The following THBS4 variants were observed in gnomAD, a reference collection of about 807,000 sequenced individuals.
THBS4 encodes the protein thrombospondin-4.
Under a neutral mutation model 115.7 loss-of-function variants are expected in THBS4, and 90 were observed. The observed-to-expected ratio is 0.78, with a 90% CI of 0.66 to 0.93. The LOEUF (loss-of-function observed/expected upper bound fraction) is 0.93. Ranked by LOEUF, THBS4 falls within the 40% of genes least tolerant of loss-of-function variation. The probability of loss-of-function intolerance (pLI) is 0.00; values close to 1 mark genes in which losing one functional copy is unlikely to be tolerated. For missense variants in THBS4, 1,087 were observed against 1,232.7 expected (o/e 0.88, Z 1.77); for synonymous variants, 460 against 479.3 (o/e 0.96, Z 0.53).
chr5:80,045,772 C>G (rs1046161521), intron 2 of THBS4, among the ~76,000 whole-genome samples: 1 of 152,156 alleles, frequency 6.6e-6, no homozygotes, highest in Admixed American at 6.5e-5. Flanking sequence ...CTCAGATGAT[C>G]TGCCTGCTTC....
chr5:80,044,276 T>C (rs1043577489), intron 2 of THBS4, among the ~76,000 whole-genome samples: 1 of 152,160 alleles, frequency 6.6e-6, no homozygotes, highest in Non-Finnish European at 1.5e-5. Context: ...CCTAGCAAGG[T>C]GCCTTGTACA....
At chr5:80,065,132 C>T (rs940842131) in intron 8 of THBS4, among the ~76,000 whole-genome samples, 4 of 152,014 alleles carry the variant, frequency 2.6e-5, no homozygotes, top group Non-Finnish European at 5.9e-5. Flanking sequence ...AAAAATAAAA[C>T]TTTCCTAACC....
intron 2 of THBS4, among the ~76,000 whole-genome samples, chr5:80,053,439 C>G (rs372328271): frequency 1.3e-5 from 2 of 149,978 alleles, no homozygotes; most frequent in East Asian, 3.9e-4. Context: ...CAGGACAGTG[C>G]TGAAGTGCTT....
intron 2 of THBS4, among the ~76,000 whole-genome samples, chr5:80,051,645 G>A (rs1833262047): frequency 6.6e-6 from 1 of 152,124 alleles, no homozygotes; most frequent in African/African-American, 2.4e-5. Context: ...ACAATAGGAG[G>A]TTTTGCTACC....
rs1326466467 is a variant in THBS4, at chr5:80,056,042, C to T, written c.540+10C>T. On this transcript the variant is annotated intron_variant, in intron 3 of 21. Coordinates refer to ENST00000350881, the MANE Select transcript of THBS4 (RefSeq NM_003248.6). The stretch of plus-strand genomic sequence containing the variant: ...CCAGAGGAAGCCACAGGTAGGAACC[C>T]ACAAACCATTCTCTGAAGTGGAAAA... The T allele has an allele frequency of 6.3e-7, 1 of 1,586,886 alleles. No individual in the cohort carries two copies. Among genetic ancestry groups the T allele is most frequent in the Admixed American group, 1.8e-5 (1 of 56,484 alleles).
At chr5:80,032,233 G>A (rs1192852594), upstream of THBS4, among the ~76,000 whole-genome samples, 1 of 152,238 alleles carries the variant, frequency 6.6e-6, no homozygotes, top group Non-Finnish European at 1.5e-5. Flanking sequence ...AGGACATAAA[G>A]TTTACTGAGA....
intron 2 of THBS4, among the ~76,000 whole-genome samples, chr5:80,027,098 C>T (rs1271635843): frequency 1.3e-5 from 2 of 152,122 alleles, no homozygotes; most frequent in Non-Finnish European, 2.9e-5. Context: ...TAATCCATTC[C>T]CTTCTCCTTC....
At chr5:80,052,685 C>G (rs374319803) in intron 2 of THBS4, 22 of 152,108 alleles carry the variant, frequency 1.4e-4, no homozygotes, top group African/African-American at 4.6e-4. Context: ...CCAACTGGCT[C>G]TCTTCAGACT....
chr5:80,061,323 C>CTGA lies in THBS4; in HGVS notation c.988-369_988-367dup, dbSNP rs536148647. Among the ~76,000 whole-genome samples the CTGA allele has an allele frequency of 8.1e-3, 1,229 of 152,268 alleles. 8 individuals are homozygous for CTGA. The highest frequency in any genetic ancestry group is 0.02 in the Middle Eastern group (6 of 294). On this transcript the variant is annotated intron_variant, in intron 7 of 21. Transcript: ENST00000350881. ...TCTTTCTGATTGAGTAGTTGGTTTG[C>CTGA]TGATGCTTTTGGAGGCATCTAACAG...
In THBS4 at chr5:79,993,314, CTG is replaced by C. The variant is rs149070002; in HGVS notation, n.81+1904_81+1905del. Among the ~76,000 whole-genome samples the C allele has an allele frequency of 6.4e-3, 972 of 152,308 alleles. 13 individuals are homozygous for C. Among genetic ancestry groups the C allele is most frequent in the African/African-American group, 0.022 (929 of 41,568 alleles). ...TATTGCTGCAGTTCCTCTTGAGAGT[CTG>C]TATCTGTTAGATTGAATTTAAAAAA... On this transcript the variant is annotated intron_variant and non_coding_transcript_variant, in intron 1 of 3. Transcript: ENST00000510218.
intron 13 of THBS4, chr5:80,072,000 G>C (rs1293975560): frequency 2.6e-6 from 1 of 379,052 alleles, no homozygotes; most frequent in East Asian, 5.1e-5. Flanking sequence ...TCCAGGGTCA[G>C]CCATACAGCC....
At chr5:80,082,969 T>A (rs1194572296) in intron 21 of THBS4, 111 bp from the exon 22 acceptor site, 7 of 635,802 alleles carry the variant, frequency 1.1e-5, no homozygotes, top group African/African-American at 3.6e-5. Context: ...CTGCGGGGCG[T>A]CCTGGGCGGG....
At chr5:80,080,462 C>A (rs1743430532) in intron 20 of THBS4, among the ~76,000 whole-genome samples, 1 of 151,888 alleles carries the variant, frequency 6.6e-6, no homozygotes, top group Non-Finnish European at 1.5e-5. Context: ...CCCTGTGGCA[C>A]CTCTGGGCCC....
chr5:80,048,557 A>G (rs1363415732), intron 2 of THBS4, among the ~76,000 whole-genome samples: 1 of 151,810 alleles, frequency 6.6e-6, no homozygotes, highest in Admixed American at 6.6e-5. Context: ...ACTATGATGA[A>G]TCTCATACTT....
intron 8 of THBS4, among the ~76,000 whole-genome samples, chr5:80,064,588 G>T (rs111495381): frequency 6.6e-6 from 1 of 152,110 alleles, no homozygotes; most frequent in Non-Finnish European, 1.5e-5. Context: ...AAAATTAGCC[G>T]GGTGTGATGG....
At chr5:80,021,176 T>A (rs1293708370) in intron 2 of THBS4, among the ~76,000 whole-genome samples, 1 of 152,152 alleles carries the variant, frequency 6.6e-6, no homozygotes, top group Non-Finnish European at 1.5e-5. Context: ...TGAGGATTCC[T>A]GGGGGTACCT....
At chr5:79,992,883 C>A (rs1313656570) in intron 1 of THBS4, among the ~76,000 whole-genome samples, 1 of 152,192 alleles carries the variant, frequency 6.6e-6, no homozygotes, top group East Asian at 1.9e-4. Context: ...AGTAATTCAA[C>A]TTTCAGATTG....
At position 80,040,045 on chromosome 5, in the gene THBS4, C is replaced by G. The variant is rs762753944; in HGVS notation, c.89-32C>G. ...CTGTTTTCCCCAAAATTGAATCTTT[C>G]ACTTATACCCCTTCTTCTCCCTTCT... On this transcript the variant is annotated intron_variant, in intron 1 of 21. Transcript: ENST00000350881. The G allele has an allele frequency of 3.8e-6, 6 of 1,596,610 alleles. No homozygotes were observed. The Admixed American group carries it at 6.7e-5, about 18-fold the overall frequency.
chr5:80,005,613 C>T (rs1831998798), intron 2 of THBS4, among the ~76,000 whole-genome samples: 1 of 152,120 alleles, frequency 6.6e-6, no homozygotes, highest in Non-Finnish European at 1.5e-5. Context: ...CACTTAACTT[C>T]CCTGAGTCTT....
Sources: gnomAD v4.1 joint callset for allele counts (sites outside exome capture counted in the v4.1 genomes callset) on GRCh38, gnomAD v4.1.1 for gene constraint, MANE v1.5 for transcripts, NCBI Gene and HGNC (gene_info 2026-07-23, HGNC 2026-07-21) for gene names.